The following TRMT11 variants were observed in gnomAD, a reference collection of about 807,000 sequenced individuals.
TRMT11 encodes the protein tRNA methyltransferase 11, also known as tRNA (guanine(10)-N(2))-methyltransferase TRMT11.
Under a neutral mutation model 62.8 loss-of-function variants are expected in TRMT11, and 53 were observed. The observed-to-expected ratio is 0.84, with a 90% CI of 0.68 to 1.06. TRMT11 has a LOEUF of 1.06. Among genes scored for constraint, TRMT11 ranks in the 50% least tolerant of loss-of-function variants. TRMT11 has a pLI of 0.00. For synonymous variants in TRMT11, 188 were observed against 190.3 expected (o/e 0.99, Z 0.10); for missense variants, 556 against 553.4 (o/e 1.00, Z -0.05).
intron 17 of TRMT11, among the ~76,000 whole-genome samples, chr6:126,053,476 T>C (rs1490562592): frequency 1.3e-5 from 2 of 152,346 alleles, no homozygotes; most frequent in South Asian, 4.1e-4. Context: ...GGGTCACTAT[T>C]TCTCAGACCT....
Position 125,995,733 on chromosome 6 carries a change from T to A in TRMT11, c.139-234T>A, listed in dbSNP as rs374466059. Among the ~76,000 whole-genome samples the A allele has an allele frequency of 2.0e-5, 3 of 152,220 alleles. No homozygotes were observed. The East Asian group carries it at 5.8e-4, about 29-fold the overall frequency. On this transcript the variant is annotated intron_variant, in intron 2 of 12. Coordinates refer to ENST00000334379, the MANE Select transcript of TRMT11 (RefSeq NM_001031712.3). ...CTACATAAAAGGGCAGATACAAAAT[T>A]AATGTTTCATTTGAGGATATATTCG...
chr6:125,993,976 T>C (rs1791040967), intron 2 of TRMT11, among the ~76,000 whole-genome samples, 154 bp downstream of exon 2: 1 of 152,184 alleles, frequency 6.6e-6, no homozygotes, highest in South Asian at 2.1e-4. Context: ...TTGGAAAATT[T>C]GTGGTTTTGT....
intron 21 of TRMT11, among the ~76,000 whole-genome samples, chr6:126,140,652 C>G (rs1333907653): frequency 6.6e-6 from 1 of 152,014 alleles, no homozygotes; most frequent in East Asian, 1.9e-4. Context: ...AAAATTTCCA[C>G]CTTAAAATGG....
intron 21 of TRMT11, among the ~76,000 whole-genome samples, chr6:126,164,896 G>C (rs1479387776): frequency 6.6e-6 from 1 of 152,098 alleles, no homozygotes; most frequent in African/African-American, 2.4e-5. Context: ...TGTGTCTCCT[G>C]AATACAGCAC....
At chr6:126,241,243 T>C in the TRMT11 span, among the ~76,000 whole-genome samples, 2 of 152,064 alleles carry the variant, frequency 1.3e-5, no homozygotes, top group African/African-American at 2.4e-5. Flanking sequence ...ATGAACCCGG[T>C]ACCTCAGTTG....
the TRMT11 span, among the ~76,000 whole-genome samples, chr6:126,242,440 A>G: frequency 6.6e-6 from 1 of 152,206 alleles, no homozygotes. Flanking sequence ...ACTACTTTAA[A>G]GTTCATATGG....
At chr6:126,120,782 C>A (rs1316533412) in intron 21 of TRMT11, among the ~76,000 whole-genome samples, 1 of 152,036 alleles carries the variant, frequency 6.6e-6, no homozygotes, top group Non-Finnish European at 1.5e-5. Flanking sequence ...TAGAAATGTG[C>A]CAGAAGCAAA....
chr6:126,250,255 C>A, the TRMT11 span, among the ~76,000 whole-genome samples: 1 of 151,992 alleles, frequency 6.6e-6, no homozygotes, highest in African/African-American at 2.4e-5. Flanking sequence ...GTGTAATTTT[C>A]GTAGAGTGTA....
At chr6:126,169,892 A>G (rs1778311179) in intron 21 of TRMT11, among the ~76,000 whole-genome samples, 1 of 152,170 alleles carries the variant, frequency 6.6e-6, no homozygotes, top group African/African-American at 2.4e-5. Flanking sequence ...TCTGTTTTCT[A>G]CTAAATAAGA....
At chr6:126,153,992 G>T (rs1389454384) in intron 21 of TRMT11, among the ~76,000 whole-genome samples, 2 of 152,128 alleles carry the variant, frequency 1.3e-5, no homozygotes, top group South Asian at 2.1e-4. Context: ...CCCATGTGCG[G>T]TCTTACGTGT....
At chr6:126,246,912 A>G in the TRMT11 span, among the ~76,000 whole-genome samples, 2 of 152,224 alleles carry the variant, frequency 1.3e-5, no homozygotes. Flanking sequence ...AATATGTTAC[A>G]TATTAAGAAA....
Position 126,008,437 on chromosome 6 carries a change from G to A in TRMT11, c.725G>A (p.Gly242Glu). 1 of 1,613,038 alleles carries A rather than the reference G, an allele frequency of 6.2e-7. No homozygotes were observed. The highest frequency in any genetic ancestry group is 8.5e-7 in the Non-Finnish European group (1 of 1,179,194). ...GCTCATTTTGGTGCATATGTGTATGGGACAGACATAGACTACAACACAGTT... is the reference window on the plus strand; with the variant it reads ...GCTCATTTTGGTGCATATGTGTATGAGACAGACATAGACTACAACACAGTT... ...ACAHFGAYVY[G>E]TDIDYNTVHG... Residue 242 changes from glycine to glutamate, a missense_variant, in exon 8 of 13, where the codon GGG becomes GAG. Gly to Glu is a moderately conservative substitution (Grantham distance 98). Transcript: ENST00000334379.
chr6:126,146,518 A>AT (rs71706557), intron 21 of TRMT11, among the ~76,000 whole-genome samples: 2,913 of 143,566 alleles, frequency 0.02, 52 homozygotes, highest in African/African-American at 0.054. Flanking sequence ...ACTAAATGAA[A>AT]TTTTTTTTTT....
At chr6:126,154,129 C>T (rs72977812) in intron 21 of TRMT11, among the ~76,000 whole-genome samples, 5,776 of 152,226 alleles carry the variant, frequency 0.038, 188 homozygotes, top group African/African-American at 0.087. Flanking sequence ...TTAAAAGCCC[C>T]CTAATTTTGT....
At position 126,148,312 on chromosome 6, in the gene TRMT11, A is replaced by G. The variant is rs148960702; in HGVS notation, c.*1824-26513A>G. ...CAACCCAATGCAGAAATGACAGTGAATATCACAAATGCATTTTAGGCTTTA... is the reference window on the plus strand; with the variant it reads ...CAACCCAATGCAGAAATGACAGTGAGTATCACAAATGCATTTTAGGCTTTA... On this transcript the variant is annotated intron_variant and NMD_transcript_variant, in intron 21 of 22. Transcript: ENST00000648977. Among the ~76,000 whole-genome samples the G allele has an allele frequency of 8.3e-3, 1,267 of 152,314 alleles. 16 individuals carry two copies. The highest frequency in any genetic ancestry group is 0.029 in the African/African-American group (1,211 of 41,580).
intron 21 of TRMT11, among the ~76,000 whole-genome samples, chr6:126,155,066 C>A (rs1778101141): frequency 6.6e-6 from 1 of 152,102 alleles, no homozygotes; most frequent in Admixed American, 6.5e-5. Flanking sequence ...AAAGAAATAC[C>A]TGAGACTAGG....
At chr6:126,071,568 G>T (rs947418079) in intron 17 of TRMT11, among the ~76,000 whole-genome samples, 1 of 151,846 alleles carries the variant, frequency 6.6e-6, no homozygotes, top group Non-Finnish European at 1.5e-5. Context: ...AGATCTTTGA[G>T]ATCTTTTTAG....
the TRMT11 span, among the ~76,000 whole-genome samples, chr6:126,264,017 G>T: frequency 2.0e-4 from 31 of 152,100 alleles, no homozygotes; most frequent in African/African-American, 7.0e-4. Flanking sequence ...TGTTTTACAT[G>T]TCTCAAGTAA....
intron 17 of TRMT11, among the ~76,000 whole-genome samples, chr6:126,055,142 T>C (rs1048947225): frequency 1.3e-5 from 2 of 152,176 alleles, no homozygotes; most frequent in African/African-American, 4.8e-5. Flanking sequence ...GTTTTATATG[T>C]TTTGTAGAGA....
Sources: gnomAD v4.1 joint callset for allele counts (sites outside exome capture counted in the v4.1 genomes callset) on GRCh38, gnomAD v4.1.1 for gene constraint, MANE v1.5 for transcripts, NCBI Gene and HGNC (gene_info 2026-07-23, HGNC 2026-07-21) for gene names.